PLCB1: variants seen among roughly 807,000 people sequenced by gnomAD.
The protein encoded by PLCB1 is 1-phosphatidylinositol 4,5-bisphosphate phosphodiesterase beta-1.
A neutral mutation model predicts 161.8 loss-of-function variants in PLCB1; 46 were observed. The ratio of observed to expected loss-of-function variants is 0.28; its 90% CI spans 0.22 to 0.36. The LOEUF (loss-of-function observed/expected upper bound fraction) is 0.36, where lower values mean the gene tolerates loss of function less well. Among genes scored for constraint, PLCB1 ranks in the 10% least tolerant of loss-of-function variants. The pLI, the probability that PLCB1 is intolerant of heterozygous loss-of-function variation, is 1.00. For synonymous variants in PLCB1, 517 were observed against 503.7 expected, an observed-to-expected ratio of 1.03 and a Z score of -0.35; for missense variants, 1,016 against 1,472.5, an observed-to-expected ratio of 0.69 and a Z score of 5.07.
chr20:8,245,397 A>G (rs1980832595), intron 2 of PLCB1, among the ~76,000 whole-genome samples: 2 of 151,930 alleles, frequency 1.3e-5, no homozygotes, highest in African/African-American at 4.8e-5. Context: ...ATAGTATGCA[A>G]ACTTCCCTGC....
At chr20:8,268,719 G>C (rs1412524881) in intron 2 of PLCB1, among the ~76,000 whole-genome samples, 1 of 152,174 alleles carries the variant, frequency 6.6e-6, no homozygotes, top group Non-Finnish European at 1.5e-5. Context: ...GATGGCCAGT[G>C]ATGATGAGCA....
chr20:8,846,212 T>TTTTTGGTA (rs1986686279), intron 31 of PLCB1, among the ~76,000 whole-genome samples: 8 of 151,156 alleles, frequency 5.3e-5, no homozygotes, highest in African/African-American at 1.7e-4. Flanking sequence ...AAGGGGGAGG[T>TTTTTGGTA]GCCACATACT....
intron 2 of PLCB1, among the ~76,000 whole-genome samples, chr20:8,161,619 G>T (rs1375269404): frequency 2.0e-5 from 3 of 152,110 alleles, no homozygotes; most frequent in South Asian, 4.1e-4. Flanking sequence ...ACCTCAGTAG[G>T]CCTAGTACAT....
At chr20:8,193,337 T>C (rs555799039) in intron 2 of PLCB1, among the ~76,000 whole-genome samples, 62 of 151,858 alleles carry the variant, frequency 4.1e-4, no homozygotes, top group African/African-American at 1.4e-3. Context: ...AAACCAAATA[T>C]TTGAAAATGG....
At chr20:8,548,335 CTTTG>C (rs771377693) in intron 3 of PLCB1, among the ~76,000 whole-genome samples, 32 of 94,802 alleles carry the variant, frequency 3.4e-4, no homozygotes, top group Admixed American at 9.2e-4. Flanking sequence ...TTTTCTTTCT[CTTTG>C]TTTCTTTCTT....
chr20:8,389,369 A>G (rs1478970335), intron 3 of PLCB1, among the ~76,000 whole-genome samples: 1 of 152,160 alleles, frequency 6.6e-6, no homozygotes. Flanking sequence ...GTTCTAAAGG[A>G]CCTGGAGAGG....
intron 2 of PLCB1, among the ~76,000 whole-genome samples, chr20:8,173,045 G>C (rs992024307): frequency 1.1e-4 from 16 of 152,162 alleles, no homozygotes; most frequent in Non-Finnish European, 2.4e-4. Flanking sequence ...CCATACATGG[G>C]CAGGGTAAAT....
intron 3 of PLCB1, among the ~76,000 whole-genome samples, chr20:8,454,894 G>C (rs922719007): frequency 4.0e-5 from 6 of 151,854 alleles, no homozygotes; most frequent in Non-Finnish European, 8.8e-5. Flanking sequence ...ATTTTTATCT[G>C]TTTTGTTCAC....
chr20:8,661,987 AT>A (rs1261018050), intron 9 of PLCB1, among the ~76,000 whole-genome samples: 9 of 93,350 alleles, frequency 9.6e-5, no homozygotes, highest in African/African-American at 3.8e-4. Flanking sequence ...ATTATATATA[AT>A]TATATAATTA....
intron 2 of PLCB1, among the ~76,000 whole-genome samples, chr20:8,178,380 A>G (rs1248346837): frequency 1.3e-5 from 2 of 151,904 alleles, no homozygotes; most frequent in Admixed American, 6.6e-5. Context: ...TTTGATTGGC[A>G]TTTCTCTCAT....
chr20:8,808,109 C>T (rs952576608), intron 31 of PLCB1, among the ~76,000 whole-genome samples: 7 of 152,190 alleles, frequency 4.6e-5, no homozygotes, highest in African/African-American at 1.4e-4. Context: ...TATCATGTTA[C>T]TTGCATCTTG....
At chr20:8,584,956 TG>T (rs1226876631) in intron 3 of PLCB1, among the ~76,000 whole-genome samples, 1 of 152,214 alleles carries the variant, frequency 6.6e-6, no homozygotes, top group African/African-American at 2.4e-5. Flanking sequence ...CCAAAAGTGC[TG>T]GGATCACAGG....
At chr20:8,730,165 T>C (rs1980160033) in intron 18 of PLCB1, among the ~76,000 whole-genome samples, 1 of 151,932 alleles carries the variant, frequency 6.6e-6, no homozygotes, top group Non-Finnish European at 1.5e-5. Context: ...GTCAGGCTGA[T>C]TAATGTTTAA....
intron 1 of PLCB1, among the ~76,000 whole-genome samples, chr20:8,142,609 A>G (rs1309765670): frequency 1.3e-5 from 2 of 152,220 alleles, no homozygotes; most frequent in East Asian, 1.9e-4. Context: ...ATGCTCACCC[A>G]TACACCCAAA....
intron 2 of PLCB1, among the ~76,000 whole-genome samples, chr20:8,356,797 A>G (rs1303915423): frequency 2.0e-5 from 3 of 152,196 alleles, no homozygotes; most frequent in South Asian, 2.1e-4. Flanking sequence ...AAGGAGACCT[A>G]TGAATTATTA....
chr20:8,693,313 A>G (rs946148148), intron 10 of PLCB1, among the ~76,000 whole-genome samples: 4 of 152,200 alleles, frequency 2.6e-5, no homozygotes, highest in African/African-American at 9.6e-5. Context: ...TTACATAGAC[A>G]CTTTGTCTCC....
At chr20:8,835,758 G>T (rs1038986701) in intron 31 of PLCB1, among the ~76,000 whole-genome samples, 1 of 151,620 alleles carries the variant, frequency 6.6e-6, no homozygotes, top group Admixed American at 6.6e-5. Context: ...GAGGGCACAG[G>T]AAATGGTCCA....
intron 2 of PLCB1, among the ~76,000 whole-genome samples, chr20:8,335,699 A>G (rs533296523): frequency 9.6e-4 from 147 of 152,344 alleles, no homozygotes; most frequent in African/African-American, 3.4e-3. Context: ...TCAGGAATGC[A>G]TATCAAGTTC....
At chr20:8,524,834 C>T (rs985931190) in intron 3 of PLCB1, among the ~76,000 whole-genome samples, 3 of 152,148 alleles carry the variant, frequency 2.0e-5, no homozygotes, top group South Asian at 2.1e-4. Flanking sequence ...AACTCAAACC[C>T]TCTCCATTTT....
Sources: allele counts gnomAD v4.1 joint callset (sites outside exome capture counted in the v4.1 genomes callset), GRCh38; gene constraint gnomAD v4.1.1; transcripts MANE v1.5; gene names NCBI Gene and HGNC (gene_info 2026-07-23, HGNC 2026-07-21).